Variants in MYH4 observed in about 807,000 individuals in gnomAD.
MYH4 encodes myosin-4.
A neutral mutation model predicts 229.9 loss-of-function variants in MYH4; 200 were observed. The ratio of observed to expected loss-of-function variants is 0.87; its 90% CI spans 0.78 to 0.98. The LOEUF (loss-of-function observed/expected upper bound fraction) is 0.98, where lower values mean the gene tolerates loss of function less well. Ranked by LOEUF, MYH4 falls within the 50% of genes least tolerant of loss-of-function variation. The pLI is 0.00. For missense variants in MYH4, 2,148 were observed against 2,332.6 expected, an observed-to-expected ratio of 0.92 and a Z score of 1.63; for synonymous variants, 761 against 834.6, an observed-to-expected ratio of 0.91 and a Z score of 1.52.
rs200358080 is a variant in MYH4, at chr17:10,450,599, G to A, written c.4035C>T (p.Asp1345=). Reference sequence around the variant, plus strand: ...CCTCCTCATACTGTTCCCGCAGCAGGTCACAGTCATGGCGGGCTGACTGCA... The same window carrying A: ...CCTCCTCATACTGTTCCCGCAGCAGATCACAGTCATGGCGGGCTGACTGCA... ...HALQSARHDC[D]LLREQYEEEQ... Residue 1345 remains aspartate, a synonymous_variant, in exon 30 of 40, where the codon GAC becomes GAT. Coordinates refer to ENST00000255381, the MANE Select transcript of MYH4 (RefSeq NM_017533.2). 6.2e-6 allele frequency: 10 copies of A among 1,614,204 alleles called. No individual in the cohort carries two copies. Among genetic ancestry groups the A allele is most frequent in the Non-Finnish European group, 8.5e-6 (10 of 1,180,030 alleles).
chr17:10,463,864 A>G (rs1328672502), intron 7 of MYH4, among the ~76,000 whole-genome samples: 1 of 152,188 alleles, frequency 6.6e-6, no homozygotes, highest in Non-Finnish European at 1.5e-5. Flanking sequence ...CACCTAAAAA[A>G]TGATTGTGAG....
Position 10,459,288 on chromosome 17 carries a change from C to T in MYH4, c.1550G>A (p.Gly517Glu). 6.2e-7 allele frequency: 1 copy of T among 1,613,994 alleles called. No homozygotes were observed. Among genetic ancestry groups the T allele is most frequent in the Non-Finnish European group, 8.5e-7 (1 of 1,179,984 alleles). ...EGIEWEFIDF[G>E]MDLAACIELI... ...CTCGATGCAGGCAGCCAGGTCCATCCCGAAGTCAATGAACTCCCACTCGAT... is the reference window on the plus strand; with the variant it reads ...CTCGATGCAGGCAGCCAGGTCCATCTCGAAGTCAATGAACTCCCACTCGAT... The change falls in exon 15 of 40, where the codon GGG becomes GAG. Residue 517 changes from glycine to glutamate, a missense_variant. Physicochemically the swap from Gly to Glu is moderately conservative, Grantham distance 98 (BLOSUM62 -2). Coordinates refer to ENST00000255381, the MANE Select transcript of MYH4 (RefSeq NM_017533.2).
At position 10,444,641 on chromosome 17, in the gene MYH4, G is replaced by A. The variant is rs779806757; in HGVS notation, c.5630C>T (p.Thr1877Ile). 8.3e-5 allele frequency: 134 copies of A among 1,613,714 alleles called. 5 individuals carry two copies. The Admixed American group carries it at 1.9e-3, about 23-fold the overall frequency. The change falls in exon 39 of 40, where the codon ACC becomes ATC. Residue 1877 changes from threonine (T) to isoleucine (I), a missense_variant. By Grantham distance (89) the Thr-to-Ile change is moderately conservative. Coordinates refer to ENST00000255381, the MANE Select transcript of MYH4 (RefSeq NM_017533.2). ...TTGTCTCTTGTAAGCTTTGACTTTG[G>A]TTTGCAATTTGTCCACCAAGTCCTG... ...RLQDLVDKLQTKVKAYKRQAE... is the reference protein window; with the variant it reads ...RLQDLVDKLQIKVKAYKRQAE...
At position 10,466,363 on chromosome 17, in the gene MYH4, G is replaced by C. The variant is rs1408136896; in HGVS notation, c.258C>G (p.Asp86Glu). The C allele has an allele frequency of 1.2e-6, 2 of 1,614,126 alleles. No individual in the cohort carries two copies. The highest frequency in any genetic ancestry group is 2.2e-5 in the East Asian group (1 of 44,858). ...QVFSMNPPKYDKIEDMAMMTH... is the reference protein window; with the variant it reads ...QVFSMNPPKYEKIEDMAMMTH... ...TCATCATGGCCATGTCCTCGATCTT[G>C]TCATATTTGGGAGGGTTCATGGAGA... Residue 86 changes from aspartate to glutamate, a missense_variant, in exon 4 of 40, where the codon GAC becomes GAG. Transcript: ENST00000255381.
Position 10,464,591 on chromosome 17 carries a change from C to T in MYH4, c.534-5G>A. On this transcript the variant is annotated splice_polypyrimidine_tract_variant and splice_region_variant and intron_variant, in intron 6 of 39. Transcript: ENST00000255381. The stretch of plus-strand genomic sequence containing the variant: ...TTCCCTGCACCAGATTCTCCACTAT[C>T]AAGTTCAAACAGAAGAAAAGGTCAG... The T allele has an allele frequency of 6.2e-7, 1 of 1,614,040 alleles. No homozygotes were observed. Among genetic ancestry groups the T allele is most frequent in the Non-Finnish European group, 8.5e-7 (1 of 1,179,984 alleles).
At chr17:10,455,773 C>T in intron 18 of MYH4, 41 bp downstream of exon 18, 1 of 1,614,152 alleles carries the variant, frequency 6.2e-7, no homozygotes, top group Non-Finnish European at 8.5e-7. Context: ...TGGTCTATCG[C>T]ACACACACTG....
At chr17:10,467,932 A>G (rs2072785059) in intron 2 of MYH4, among the ~76,000 whole-genome samples, 1 of 152,250 alleles carries the variant, frequency 6.6e-6, no homozygotes, top group African/African-American at 2.4e-5. Context: ...GATGGCGACA[A>G]CAGCAATAGC....
At chr17:10,465,124 A>G (rs2072747848) in intron 5 of MYH4, among the ~76,000 whole-genome samples, 1 of 152,216 alleles carries the variant, frequency 6.6e-6, no homozygotes, top group South Asian at 2.1e-4. Context: ...TATTATCTAT[A>G]ATCCAAATGC....
intron 34 of MYH4, 107 bp downstream of exon 34, chr17:10,447,711 A>G (rs545669468): frequency 7.2e-6 from 8 of 1,112,114 alleles, no homozygotes; most frequent in South Asian, 4.9e-5. Flanking sequence ...ACTGATTACC[A>G]TGTTGCTTAG....
In MYH4 at chr17:10,445,053, G is replaced by C. The variant is rs1394719435; in HGVS notation, c.5389C>G (p.Leu1797Val). 4 of 1,614,034 alleles carry C rather than the reference G, an allele frequency of 2.5e-6. No individual in the cohort carries two copies. In the African/African-American group the frequency reaches 4.0e-5, roughly 16 times the overall value. Residue 1797 changes from leucine (L) to valine (V), a missense_variant, in exon 37 of 40, where the codon CTG becomes GTG. Leu to Val is a conservative substitution (Grantham distance 32, BLOSUM62 1). Coordinates refer to ENST00000255381, the MANE Select transcript of MYH4 (RefSeq NM_017533.2). ...TCAGCCTCATCCAGACGGAGCTGCA[G>C]ATCCTTCACGGTCTGCTCCATGTTC... Reference protein sequence around the residue: ...KKNMEQTVKDLQLRLDEAEQL... With the variant: ...KKNMEQTVKDVQLRLDEAEQL...
At position 10,445,019 on chromosome 17, in the gene MYH4, G is replaced by A. The variant is rs200732393; in HGVS notation, c.5423C>T (p.Ala1808Val). Residue 1808 changes from alanine (A) to valine (V), a missense_variant, in exon 37 of 40, where the codon GCG becomes GTG. Coordinates refer to ENST00000255381, the MANE Select transcript of MYH4 (RefSeq NM_017533.2). ...GATCTGCTTCTTCCCACCCTTCAGCGCCAGCTGCTCAGCCTCATCCAGACG... is the reference window on the plus strand; with the variant it reads ...GATCTGCTTCTTCCCACCCTTCAGCACCAGCTGCTCAGCCTCATCCAGACG... The part of the protein sequence containing the change: ...QLRLDEAEQL[A>V]LKGGKKQIQK... 1.5e-4 allele frequency: 248 copies of A among 1,614,110 alleles called. No individual in the cohort carries two copies. Among genetic ancestry groups the A allele is most frequent in the Non-Finnish European group, 2.0e-4 (237 of 1,180,008 alleles).
Position 10,447,845 on chromosome 17 carries a change from A to T in MYH4, c.4938T>A (p.Asn1646Lys), listed in dbSNP as rs764071086. 1.9e-6 allele frequency: 3 copies of T among 1,613,048 alleles called. No individual in the cohort carries two copies. The Admixed American group carries it at 5.0e-5, about 27-fold the overall frequency. ...ANRQAAEALR[N>K]LRNTQGILKD... ...TCAGTATTCCTTGTGTGTTTCTAAG[A>T]TTCCTTAGTGCCTCAGCAGCCTGGC... The change falls in exon 34 of 40, where the codon AAT becomes AAA. Residue 1646 changes from asparagine to lysine, a missense_variant. Physicochemically the swap from Asn to Lys is moderately conservative, Grantham distance 94. Coordinates refer to ENST00000255381, the MANE Select transcript of MYH4 (RefSeq NM_017533.2).
chr17:10,466,091 C>A (rs1453559053), intron 4 of MYH4, among the ~76,000 whole-genome samples, 182 bp downstream of exon 4: 2 of 152,144 alleles, frequency 1.3e-5, no homozygotes, highest in African/African-American at 2.4e-5. Context: ...TCAACTAATT[C>A]AGTTAAGTAA....
chr17:10,452,241 C>A lies in MYH4; in HGVS notation c.3438G>T (p.Glu1146Asp). 1 of 1,613,992 alleles carries A rather than the reference C, an allele frequency of 6.2e-7. No homozygotes were observed. The highest frequency in any genetic ancestry group is 2.2e-5 in the East Asian group (1 of 44,882). ...AEKQRSDLSR[E>D]LEEISERLEE... ...CCAGCCTCTCACTGATCTCCTCCAG[C>A]TCCCGGGAGAGGTCAGAGCGCTGCT... The change falls in exon 27 of 40, where the codon GAG (glutamate) becomes GAT (aspartate). Residue 1146 changes from glutamate (E) to aspartate (D), a missense_variant. By Grantham distance (45) the Glu-to-Asp change is conservative (BLOSUM62 2). Coordinates refer to ENST00000255381, the MANE Select transcript of MYH4 (RefSeq NM_017533.2).
chr17:10,455,749 C>A lies in MYH4; in HGVS notation c.2057-18G>T. On this transcript the variant is annotated intron_variant, in intron 18 of 39. Coordinates refer to ENST00000255381, the MANE Select transcript of MYH4 (RefSeq NM_017533.2). The stretch of plus-strand genomic sequence containing the variant: ...CATGGCACCTAAGAGAATGAATCCA[C>A]ATGCCATACTTCGTGGTCTATCGCA... The A allele has an allele frequency of 1.2e-6, 2 of 1,614,146 alleles. No individual in the cohort carries two copies. The highest frequency in any genetic ancestry group is 1.7e-6 in the Non-Finnish European group (2 of 1,180,008).
At chr17:10,462,771 T>C (rs2072716238) in intron 11 of MYH4, 94 bp downstream of exon 11, 4 of 1,029,708 alleles carry the variant, frequency 3.9e-6, no homozygotes, top group Non-Finnish European at 5.6e-6. Context: ...TACCTATTTA[T>C]AGTCTTTCTG....
At chr17:10,451,528 A>ACC (rs1427410998) in intron 27 of MYH4, 76 bp from the exon 28 acceptor site, 6 of 1,482,408 alleles carry the variant, frequency 4.0e-6, no homozygotes, top group Non-Finnish European at 4.6e-6. Context: ...ATCTGTAACT[A>ACC]CCTGTGGAAA....
At chr17:10,444,345 G>A (rs2072487274) in intron 39 of MYH4, among the ~76,000 whole-genome samples, 1 of 152,130 alleles carries the variant, frequency 6.6e-6, no homozygotes, top group South Asian at 2.1e-4. Flanking sequence ...TCTAGATAGG[G>A]AGGGAAGTGG....
chr17:10,461,593 G>T (rs1261098007), intron 11 of MYH4, among the ~76,000 whole-genome samples: 3 of 152,068 alleles, frequency 2.0e-5, no homozygotes, highest in Admixed American at 2.0e-4. Flanking sequence ...TTCTCCACAT[G>T]CCTCTCTGAT....
Sources: gnomAD v4.1 joint callset for allele counts (sites outside exome capture counted in the v4.1 genomes callset) on GRCh38, gnomAD v4.1.1 for gene constraint, MANE v1.5 for transcripts, NCBI Gene and HGNC (gene_info 2026-07-23, HGNC 2026-07-21) for gene names.